PTH2R: variants seen among roughly 807,000 people sequenced by gnomAD.
PTH2R encodes the protein parathyroid hormone 2 receptor.
PTH2R carries 59 observed loss-of-function variants against 60.3 expected under a neutral mutation model. That is an observed-to-expected ratio of 0.98 (90% confidence interval 0.79 to 1.22). PTH2R has a LOEUF of 1.22. Among genes scored for constraint, PTH2R ranks in the 50% most tolerant of loss-of-function variants. The probability of loss-of-function intolerance (pLI) is 0.00; values close to 1 mark genes in which losing one functional copy is unlikely to be tolerated. For missense variants in PTH2R, 749 were observed against 682.6 expected, an observed-to-expected ratio of 1.10 and a Z score of -1.08; for synonymous variants, 256 against 243.8, an observed-to-expected ratio of 1.05 and a Z score of -0.47.
chr2:208,421,773 A>G (rs1281597291), intron 1 of PTH2R, among the ~76,000 whole-genome samples: 1 of 152,204 alleles, frequency 6.6e-6, no homozygotes, highest in Non-Finnish European at 1.5e-5. Context: ...GTGGGAAAAC[A>G]TGGAGTAGAA....
intron 10 of PTH2R, among the ~76,000 whole-genome samples, chr2:208,482,769 G>A (rs767898375): frequency 2.0e-5 from 3 of 152,122 alleles, no homozygotes; most frequent in Non-Finnish European, 2.9e-5. Flanking sequence ...AGATGAGGGC[G>A]TTTATAGCCC....
chr2:208,396,136 C>T (rs1456008436), intron 1 of PTH2R, among the ~76,000 whole-genome samples: 1 of 152,182 alleles, frequency 6.6e-6, no homozygotes, highest in African/African-American at 2.4e-5. Context: ...GGATCCCTTC[C>T]TTACACCTTA....
intron 9 of PTH2R, among the ~76,000 whole-genome samples, chr2:208,465,040 A>T (rs867260882): frequency 6.6e-6 from 1 of 151,994 alleles, no homozygotes; most frequent in Non-Finnish European, 1.5e-5. Flanking sequence ...CAGTGGTGCA[A>T]TCATGGCTCA....
Position 208,443,349 on chromosome 2 carries a change from C to A in PTH2R, c.511C>A (p.Arg171=). The change falls in exon 6 of 13, where the codon CGA becomes AGA. Residue 171 remains arginine (R), a splice_region_variant and synonymous_variant. Transcript: ENST00000272847. ...AATACTGAATATTTCTCTCCGTAGA[C>A]GATTGCATTGCACTAGGAACTATAT... ...VAILIIGYFR[R]LHCTRNYIHM... is the part of the protein sequence containing the mutation. 6.5e-7 allele frequency: 1 copy of A among 1,548,810 alleles called. No individual in the cohort carries two copies. The highest frequency in any genetic ancestry group is 1.2e-5 in the South Asian group (1 of 81,178).
intron 2 of PTH2R, among the ~76,000 whole-genome samples, chr2:208,434,552 A>G (rs1365828746): frequency 6.6e-6 from 1 of 152,234 alleles, no homozygotes; most frequent in African/African-American, 2.4e-5. Flanking sequence ...TTTTAAAACT[A>G]TATAATTATA....
chr2:208,383,491 A>G (rs1478338489), intron 1 of PTH2R, among the ~76,000 whole-genome samples: 4 of 152,272 alleles, frequency 2.6e-5, no homozygotes, highest in African/African-American at 7.2e-5. Flanking sequence ...AAAGGCAGAC[A>G]TGCTTAAATG....
At position 208,459,928 on chromosome 2, in the gene PTH2R, G is replaced by T; in HGVS notation, c.948G>T (p.Trp316Cys). 1 of 1,612,976 alleles carries T rather than the reference G, an allele frequency of 6.2e-7. No individual in the cohort carries two copies. Among genetic ancestry groups the T allele is most frequent in the Non-Finnish European group, 8.5e-7 (1 of 1,179,338 alleles). ...CWELSAGDIKWIYQAPILAAI... is the reference protein window; with the variant it reads ...CWELSAGDIKCIYQAPILAAI... ...AACTTAGTGCTGGAGACATCAAGTG[G>T]ATTTATCAAGCACCGATCTTAGCAG... The change falls in exon 9 of 13, where the codon TGG becomes TGT. Residue 316 changes from tryptophan (W) to cysteine (C), a missense_variant. Transcript: ENST00000272847.
chr2:208,377,552 C>A (rs1700822076), intron 1 of PTH2R, among the ~76,000 whole-genome samples: 1 of 147,028 alleles, frequency 6.8e-6, no homozygotes, highest in East Asian at 2.0e-4. Flanking sequence ...GGGCTGACCC[C>A]CCACCTGCCT....
intron 4 of PTH2R, among the ~76,000 whole-genome samples, chr2:208,440,822 G>A (rs1702167025): frequency 6.6e-6 from 1 of 152,244 alleles, no homozygotes; most frequent in African/African-American, 2.4e-5. Flanking sequence ...TTCACCGAGT[G>A]CATGGGGGAA....
In PTH2R at chr2:208,407,235, C is replaced by T. The variant is rs535055006; in HGVS notation, c.75+117C>T. 145 of 824,918 alleles carry T rather than the reference C, an allele frequency of 1.8e-4. No homozygotes were observed. In the East Asian group the frequency reaches 4.2e-3, roughly 24 times the overall value. 51.1% of individuals were successfully genotyped at this position (824,918 alleles called of 1,614,324 possible). A position where few individuals can be genotyped will look rare whatever the true frequency, so the allele number is the denominator to read the frequency against. On this transcript the variant is annotated intron_variant, in intron 1 of 12. Coordinates refer to ENST00000272847, the MANE Select transcript of PTH2R (RefSeq NM_005048.4). Reference sequence around the variant, plus strand: ...TCATTCATGTTCACACGTCCACAAACGCCCCGGCACGCACCGAGGCGTACC... The same window carrying T: ...TCATTCATGTTCACACGTCCACAAATGCCCCGGCACGCACCGAGGCGTACC...
chr2:208,360,917 G>T, intron 1 of PTH2R: 1 of 215,114 alleles, frequency 4.6e-6, no homozygotes, highest in South Asian at 8.3e-5. Flanking sequence ...AGGATCCCAT[G>T]CTTGACGTCG....
At chr2:208,473,883 A>C (rs1702938476) in intron 9 of PTH2R, among the ~76,000 whole-genome samples, 1 of 152,202 alleles carries the variant, frequency 6.6e-6, no homozygotes, top group African/African-American at 2.4e-5. Flanking sequence ...ATAACTGACA[A>C]TACCGGCACA....
chr2:208,449,573 G>A (rs1185192241), intron 7 of PTH2R, among the ~76,000 whole-genome samples: 1 of 151,986 alleles, frequency 6.6e-6, no homozygotes, highest in African/African-American at 2.4e-5. Context: ...ATTAAAGAAA[G>A]AATACTATAG....
At position 208,365,938 on chromosome 2, in the gene PTH2R, ATATATATATATATATATATATATTT is replaced by A. The variant is rs1206324378; in HGVS notation, c.-259+5703_-259+5727del. Among the ~76,000 whole-genome samples, 32 of 10,536 alleles carry A rather than the reference ATATATATATATATATATATATATTT, an allele frequency of 3.0e-3. 1 individual carries two copies. The highest frequency in any genetic ancestry group is 0.012 in the East Asian group (5 of 416). The allele number at this position is 10,536 out of a possible 152,430, so 6.9% of individuals were successfully genotyped here. A position where few individuals can be genotyped will look rare whatever the true frequency, so the allele number is the denominator to read the frequency against. On this transcript the variant is annotated intron_variant, in intron 1 of 12. Coordinates refer to the PTH2R transcript ENST00000617735. Reference sequence around the variant, plus strand: ...TATAATATAATAGATAAATATATATATATATATATATATATATATATATTTTTTTTTTTTTTTTTTTTTTTTTTTT... The same window carrying A: ...TATAATATAATAGATAAATATATATATTTTTTTTTTTTTTTTTTTTTTTTT...
intron 1 of PTH2R, among the ~76,000 whole-genome samples, chr2:208,422,312 A>G (rs1326616752): frequency 6.6e-6 from 1 of 152,186 alleles, no homozygotes; most frequent in Non-Finnish European, 1.5e-5. Flanking sequence ...AGACACATAG[A>G]CACACCGGAA....
rs1194372888 is a variant in PTH2R at position 208,493,527 on chromosome 2, CTCTT to C, written c.1524_1527del (p.Phe509ThrfsTer16). On this transcript the variant is annotated frameshift_variant, in exon 13 of 13. Transcript: ENST00000272847. LOFTEE classifies it low-confidence loss of function (END_TRUNC). ...ACTCAGAGCAGGACTGCCTGCCACACTCTTTCCACGAGGAGACCAAGGAAGATAG... is the reference window on the plus strand; with the variant it reads ...ACTCAGAGCAGGACTGCCTGCCACACTCCACGAGGAGACCAAGGAAGATAG... 1.6e-5 allele frequency: 26 copies of C among 1,613,890 alleles called. No individual in the cohort carries two copies. The East Asian group carries it at 5.8e-4, about 36-fold the overall frequency.
At chr2:208,476,545 A>G (rs1020987452) in intron 9 of PTH2R, among the ~76,000 whole-genome samples, 1 of 152,230 alleles carries the variant, frequency 6.6e-6, no homozygotes, top group African/African-American at 2.4e-5. Context: ...AGTATTTGAT[A>G]GAGATCAGGG....
intron 7 of PTH2R, among the ~76,000 whole-genome samples, chr2:208,445,186 C>G (rs929169817): frequency 6.6e-6 from 1 of 152,104 alleles, no homozygotes; most frequent in Non-Finnish European, 1.5e-5. Flanking sequence ...ACATGTACAA[C>G]TAAATGTCAG....
chr2:208,493,036 C>T (rs1703440773), intron 12 of PTH2R, among the ~76,000 whole-genome samples: 1 of 152,178 alleles, frequency 6.6e-6, no homozygotes, highest in Non-Finnish European at 1.5e-5. Context: ...TGATCTTGGA[C>T]AAGTCCCTTC....
Sources: gnomAD v4.1 joint callset for allele counts (sites outside exome capture counted in the v4.1 genomes callset) on GRCh38, gnomAD v4.1.1 for gene constraint, MANE v1.5 for transcripts, NCBI Gene and HGNC (gene_info 2026-07-23, HGNC 2026-07-21) for gene names.